DNAH2: variants seen among roughly 807,000 people sequenced by gnomAD.
DNAH2 encodes the protein dynein axonemal heavy chain 2.
A neutral mutation model predicts 523.5 loss-of-function variants in DNAH2; 323 were observed. That is an observed-to-expected ratio of 0.62 (90% CI 0.56 to 0.68). The LOEUF is 0.68. Ranked by LOEUF, DNAH2 falls within the 30% of genes least tolerant of loss-of-function variation. DNAH2 has a pLI of 0.00. For missense variants in DNAH2, 4,907 were observed against 5,701.5 expected (o/e 0.86, Z 4.49); for synonymous variants, 2,093 against 2,177.4 (o/e 0.96, Z 1.08).
At chr17:7,793,455 CTTTCTTTCTT>C (rs2076962285) in intron 48 of DNAH2, among the ~76,000 whole-genome samples, 1 of 83,844 alleles carries the variant, frequency 1.2e-5, no homozygotes. Flanking sequence ...CTTTTTCTTT[CTTTCTTTCTT>C]TCTTTCTTTC....
chr17:7,742,864 GA>G, intron 11 of DNAH2, 63 bp from the exon 12 acceptor site: 1 of 1,190,310 alleles, frequency 8.4e-7, no homozygotes, highest in South Asian at 3.1e-5. Context: ...AGGTCTCAGG[GA>G]GATGGTGGCC....
chr17:7,798,598 G>A lies in DNAH2; in HGVS notation c.8439G>A (p.Lys2813=). ...ATCGCCAGGCTGGGGTGGAGCTCAA[G>A]ACCACGTCCTTCATTTTTGTGGACA... ...RLYRQAGVEL[K]TTSFIFVDTQ... The change falls in exon 55 of 86, where the codon AAG becomes AAA. Residue 2813 remains lysine (K), a synonymous_variant. Coordinates refer to ENST00000572933, the MANE Select transcript of DNAH2 (RefSeq NM_020877.5). The surrounding 1 kb of genome is among the most constrained non-coding windows in gnomAD (Gnocchi z 5.5). 6.2e-7 allele frequency: 1 copy of A among 1,614,170 alleles called. No individual in the cohort carries two copies. Among genetic ancestry groups the A allele is most frequent in the Non-Finnish European group, 8.5e-7 (1 of 1,180,036 alleles).
rs2078185594 is a variant in DNAH2, at chr17:7,831,859, G to A, written c.12726+84G>A. ...CCCCCCAATCTCCTGGTTCTAGGTGGGCATAAAGCAAACTGCAGAGAGCCG... is the reference window on the plus strand; with the variant it reads ...CCCCCCAATCTCCTGGTTCTAGGTGAGCATAAAGCAAACTGCAGAGAGCCG... On this transcript the variant is annotated intron_variant, in intron 82 of 85. Coordinates refer to ENST00000572933, the MANE Select transcript of DNAH2 (RefSeq NM_020877.5). The surrounding 1 kb of genome is among the most constrained non-coding windows in gnomAD (Gnocchi z 4.2). 3 of 1,290,254 alleles carry A rather than the reference G, an allele frequency of 2.3e-6. No individual in the cohort carries two copies. Among genetic ancestry groups the A allele is most frequent in the South Asian group, 1.4e-5 (1 of 72,520 alleles). The allele number at this position is 1,290,254 out of a possible 1,614,324, so 79.9% of individuals were successfully genotyped here.
intron 28 of DNAH2, 145 bp downstream of exon 28, chr17:7,771,613 C>A: frequency 1.1e-6 from 1 of 892,914 alleles, no homozygotes; most frequent in Non-Finnish European, 1.7e-6. Flanking sequence ...AGCATTAGAT[C>A]ATAATTCTGT....
At chr17:7,779,999 C>T (rs2076560007) in intron 36 of DNAH2, among the ~76,000 whole-genome samples, 158 bp from the exon 37 acceptor site, 1 of 152,010 alleles carries the variant, frequency 6.6e-6, no homozygotes, top group Admixed American at 6.5e-5. Flanking sequence ...CTGGGAAGGG[C>T]TGGGGCTGAG....
chr17:7,726,212 G>T (rs987197018), intron 3 of DNAH2, among the ~76,000 whole-genome samples: 2 of 151,928 alleles, frequency 1.3e-5, no homozygotes, highest in Admixed American at 1.3e-4. Context: ...CACCATGTTG[G>T]CCAGGCTGGT....
At chr17:7,824,007 C>G (rs1024281378) in intron 75 of DNAH2, 25 bp downstream of exon 75, 1 of 1,606,996 alleles carries the variant, frequency 6.2e-7, no homozygotes, top group Non-Finnish European at 8.5e-7. Context: ...TTCCTTGTCC[C>G]CACGGCCCAT....
intron 73 of DNAH2, among the ~76,000 whole-genome samples, chr17:7,823,094 G>T (rs924352189): frequency 6.6e-6 from 1 of 152,056 alleles, no homozygotes; most frequent in Non-Finnish European, 1.5e-5. Context: ...AGGAGTTCGA[G>T]ACCAGCCTGG....
At chr17:7,741,512 C>T (rs561273241) in intron 11 of DNAH2, among the ~76,000 whole-genome samples, 12 of 151,476 alleles carry the variant, frequency 7.9e-5, no homozygotes, top group East Asian at 5.8e-4. Context: ...TGCCCGCCAC[C>T]GCACCCAGCT....
Position 7,798,986 on chromosome 17 carries a change from A to G in DNAH2, c.8560-117A>G. The G allele has an allele frequency of 7.1e-7, 1 of 1,406,664 alleles. No homozygotes were observed. Among genetic ancestry groups the G allele is most frequent in the Admixed American group, 2.1e-5 (1 of 47,052 alleles). The allele number at this position is 1,406,664 out of a possible 1,614,324, so 87.1% of individuals were successfully genotyped here. ...GGTGCTGAAGTGGGAGGATGGTTTG[A>G]GGCCAGGAGTTCAAGTCCAGCCTGG... On this transcript the variant is annotated intron_variant, in intron 55 of 85. Coordinates refer to ENST00000572933, the MANE Select transcript of DNAH2 (RefSeq NM_020877.5). The surrounding 1 kb of genome is among the most constrained non-coding windows in gnomAD (Gnocchi z 5.5).
At chr17:7,745,143 C>G (rs565883016) in intron 12 of DNAH2, among the ~76,000 whole-genome samples, 14 of 151,912 alleles carry the variant, frequency 9.2e-5, no homozygotes, top group Non-Finnish European at 1.8e-4. Flanking sequence ...TACAGGCGCC[C>G]GCCACCACGC....
chr17:7,789,610 T>TC (rs1329433393), intron 44 of DNAH2, among the ~76,000 whole-genome samples: 2 of 147,964 alleles, frequency 1.4e-5, no homozygotes, highest in Non-Finnish European at 3.0e-5. Context: ...GGAGTCTCAC[T>TC]CCTTTGCCCA....
In DNAH2 at chr17:7,757,111, C is replaced by A; in HGVS notation, c.1925C>A (p.Ala642Glu). Residue 642 changes from alanine (A) to glutamate (E), a missense_variant, in exon 13 of 86, where the codon GCG becomes GAG. Physicochemically the swap from Ala to Glu is moderately radical, Grantham distance 107. This residue lies in a region of DNAH2 where 2,806 missense variants were observed against 3,190.8 expected (regional missense o/e 0.88). Coordinates refer to ENST00000572933, the MANE Select transcript of DNAH2 (RefSeq NM_020877.5). The stretch of plus-strand genomic sequence containing the variant: ...CAAAGGTCCCTTCTGATTCTCTTTG[C>A]GGAAATTGACTACTGGGAGCGGCTG... ...NFDKSLLILF[A>E]EIDYWERLLF... is the part of the protein sequence containing the mutation. 1 of 1,614,098 alleles carries A rather than the reference C, an allele frequency of 6.2e-7. No homozygotes were observed. Among genetic ancestry groups the A allele is most frequent in the Non-Finnish European group, 8.5e-7 (1 of 1,180,006 alleles).
chr17:7,781,091 T>C lies in DNAH2; in HGVS notation c.6053T>C (p.Val2018Ala), dbSNP rs757166289. Reference protein sequence around the residue: ...RDMNIAKLTSVDAPLFNAIVQ... With the variant: ...RDMNIAKLTSADAPLFNAIVQ... ...ATGAACATCGCCAAGCTCACTTCAG[T>C]TGATGCACCCCTGTTCAATGCCATC... Residue 2018 changes from valine (V) to alanine (A), a missense_variant, in exon 39 of 86, where the codon GTT becomes GCT. Around this residue, in one of 3 missense-constraint regions of DNAH2, gnomAD observed 2,806 missense variants for 3,190.8 expected, o/e 0.88. Coordinates refer to ENST00000572933, the MANE Select transcript of DNAH2 (RefSeq NM_020877.5). The C allele has an allele frequency of 6.2e-6, 10 of 1,614,134 alleles. No individual in the cohort carries two copies. The highest frequency in any genetic ancestry group is 7.6e-6 in the Non-Finnish European group (9 of 1,180,052).
intron 7 of DNAH2, among the ~76,000 whole-genome samples, chr17:7,735,168 T>C (rs2075104882): frequency 6.6e-6 from 1 of 152,224 alleles, no homozygotes; most frequent in African/African-American, 2.4e-5. Flanking sequence ...TCTGGCTCTG[T>C]TGCCCAGGCT....
intron 11 of DNAH2, 61 bp from the exon 12 acceptor site, chr17:7,742,862 GGGAGA>G: frequency 1.6e-6 from 2 of 1,230,966 alleles, no homozygotes; most frequent in South Asian, 2.5e-5. Context: ...GTAGGTCTCA[GGGAGA>G]TGGTGGCCCC....
At chr17:7,730,572 A>AT (rs1169814864) in intron 4 of DNAH2, among the ~76,000 whole-genome samples, 1 of 152,256 alleles carries the variant, frequency 6.6e-6, no homozygotes, top group Non-Finnish European at 1.5e-5. Context: ...TTCCTTAGGA[A>AT]TATCCCCTAT....
chr17:7,741,351 T>TTCCTTCCTTCCTTCCTTCCC, intron 11 of DNAH2, among the ~76,000 whole-genome samples: 1 of 130,036 alleles, frequency 7.7e-6, no homozygotes, highest in Non-Finnish European at 1.6e-5. Context: ...CCTTCCTTCC[T>TTCCTTCCTTCCTTCCTTCCC]TCCTTCCTTT....
rs540773132 is a variant in DNAH2 at position 7,770,543 on chromosome 17, A to G, written c.4099-14A>G. 15 of 1,613,922 alleles carry G rather than the reference A, an allele frequency of 9.3e-6. No homozygotes were observed. Among genetic ancestry groups the G allele is most frequent in the East Asian group, 2.2e-5 (1 of 44,868 alleles). ...AGATACCTGACTGCTGTGTCCCCCA[A>G]TTTCTCTCCACAGGCTTTACAAAAC... On this transcript the variant is annotated splice_polypyrimidine_tract_variant and intron_variant, in intron 25 of 85. Transcript: ENST00000572933.
Sources: allele counts gnomAD v4.1 joint callset (sites outside exome capture counted in the v4.1 genomes callset), GRCh38; gene constraint gnomAD v4.1.1; regional missense constraint gnomAD v4.1.1; non-coding constraint Gnocchi (gnomAD v3.1); transcripts MANE v1.5; gene names NCBI Gene and HGNC (gene_info 2026-07-23, HGNC 2026-07-21).